Variants in SH3GL2 observed in about 807,000 individuals in gnomAD.
The protein encoded by SH3GL2 is SH3 domain containing GRB2 like 2, endophilin A1.
A neutral mutation model predicts 46.0 loss-of-function variants in SH3GL2; 24 were observed. The ratio of observed to expected loss-of-function variants is 0.52; its 90% CI spans 0.38 to 0.73. SH3GL2 has a LOEUF of 0.73. SH3GL2 is among the 30% of genes least tolerant of loss of function. The pLI, the probability that SH3GL2 is intolerant of heterozygous loss-of-function variation, is 0.00. For synonymous variants in SH3GL2, 196 were observed against 147.1 expected (o/e 1.33, Z -2.40); for missense variants, 413 against 424.2 (o/e 0.97, Z 0.23).
At chr9:17,705,695 C>T (rs942821621) in intron 1 of SH3GL2, among the ~76,000 whole-genome samples, 1 of 152,004 alleles carries the variant, frequency 6.6e-6, no homozygotes, top group African/African-American at 2.4e-5. Context: ...AGTGAACTAA[C>T]ACAGGAACAG....
intron 1 of SH3GL2, among the ~76,000 whole-genome samples, chr9:17,735,534 G>A (rs535177219): frequency 1.1e-3 from 172 of 152,058 alleles, no homozygotes; most frequent in Non-Finnish European, 2.2e-3. Context: ...TCAACCAAAC[G>A]TGGGTGGAAT....
intron 2 of SH3GL2, among the ~76,000 whole-genome samples, chr9:17,754,421 C>G (rs534619062): frequency 1.3e-5 from 2 of 152,246 alleles, no homozygotes; most frequent in South Asian, 4.2e-4. Context: ...CGCCTGTAAT[C>G]CCAGCACTTT....
At chr9:17,738,337 C>G (rs933923594) in intron 1 of SH3GL2, among the ~76,000 whole-genome samples, 5 of 151,702 alleles carry the variant, frequency 3.3e-5, no homozygotes, top group Admixed American at 2.6e-4. Context: ...TTGCATAGTA[C>G]TTTCTCTTTT....
chr9:17,617,528 G>A (rs746522873), intron 1 of SH3GL2, among the ~76,000 whole-genome samples: 4 of 152,176 alleles, frequency 2.6e-5, no homozygotes, highest in African/African-American at 9.7e-5. Context: ...ACGTGCTCAT[G>A]TGGTTTTAAG....
chr9:17,761,336 G>C, intron 2 of SH3GL2, 101 bp from the exon 3 acceptor site: 1 of 759,302 alleles, frequency 1.3e-6, no homozygotes, highest in East Asian at 2.5e-5. Context: ...CTTGTCCGGG[G>C]CTCTGTTGCA....
intron 1 of SH3GL2, among the ~76,000 whole-genome samples, chr9:17,736,140 C>G (rs114216706): frequency 7.4e-4 from 113 of 152,166 alleles, no homozygotes; most frequent in African/African-American, 2.5e-3. Flanking sequence ...GCTTAGCATT[C>G]AGGACATTCA....
intron 1 of SH3GL2, among the ~76,000 whole-genome samples, chr9:17,737,410 A>G (rs904171105): frequency 2.0e-5 from 3 of 152,124 alleles, no homozygotes; most frequent in African/African-American, 4.8e-5. Context: ...TGAGAAAAAA[A>G]TATGAGGATG....
intron 1 of SH3GL2, among the ~76,000 whole-genome samples, chr9:17,645,151 C>CTT (rs57611978): frequency 3.5e-4 from 24 of 68,776 alleles, no homozygotes; most frequent in African/African-American, 7.8e-4. Flanking sequence ...GCAAACGCTG[C>CTT]TTTTTTTTTT....
At chr9:17,706,841 C>T (rs1036144494) in intron 1 of SH3GL2, among the ~76,000 whole-genome samples, 4 of 152,034 alleles carry the variant, frequency 2.6e-5, no homozygotes, top group East Asian at 1.9e-4. Context: ...CCTCTTCTCA[C>T]GTAGGAGAGT....
At chr9:17,631,531 G>C (rs1209417782) in intron 1 of SH3GL2, among the ~76,000 whole-genome samples, 1 of 152,148 alleles carries the variant, frequency 6.6e-6, no homozygotes, top group Non-Finnish European at 1.5e-5. Context: ...CAATTTGTAG[G>C]TAAGTGGTTT....
rs191351450 is a variant in SH3GL2, at chr9:17,702,261, A to C, written c.46-44805A>C. On this transcript the variant is annotated intron_variant, in intron 1 of 8. Coordinates refer to ENST00000380607, the MANE Select transcript of SH3GL2 (RefSeq NM_003026.5). ...CAGGACCAGGAAAATTTTCCAGTGG[A>C]ATAAATAAAGATTTAAATGTTAATG... Among the ~76,000 whole-genome samples the C allele has an allele frequency of 1.2e-3, 182 of 152,238 alleles. 2 individuals are homozygous for C. Among genetic ancestry groups the C allele is most frequent in the African/African-American group, 4.1e-3 (172 of 41,550 alleles).
intron 1 of SH3GL2, chr9:17,589,936 G>C (rs1267773336): frequency 6.6e-6 from 1 of 152,138 alleles, no homozygotes; most frequent in African/African-American, 2.4e-5. Context: ...TCTGGTAGAC[G>C]GTGCCAGACA....
intron 1 of SH3GL2, among the ~76,000 whole-genome samples, chr9:17,654,931 A>G (rs1413078603): frequency 6.6e-6 from 1 of 152,184 alleles, no homozygotes; most frequent in Non-Finnish European, 1.5e-5. Flanking sequence ...CTCCTGGAGG[A>G]TGTGATGGGA....
chr9:17,597,873 C>G (rs576690200), intron 1 of SH3GL2, among the ~76,000 whole-genome samples: 31 of 152,290 alleles, frequency 2.0e-4, no homozygotes, highest in African/African-American at 7.0e-4. Flanking sequence ...ATGCTCTGGT[C>G]CTCCATCTTT....
At chr9:17,777,614 G>A (rs777250279) in intron 3 of SH3GL2, among the ~76,000 whole-genome samples, 1 of 151,476 alleles carries the variant, frequency 6.6e-6, no homozygotes, top group Non-Finnish European at 1.5e-5. Flanking sequence ...AATTTCTGAT[G>A]AGGGCTCTCT....
At position 17,738,641 on chromosome 9, in the gene SH3GL2, T is replaced by TATATAGAGAGAGAGAG. The variant is rs376280314; in HGVS notation, c.46-8424_46-8423insTATAGAGAGAGAGAGA. On this transcript the variant is annotated intron_variant, in intron 1 of 8. Transcript: ENST00000380607. ...TCATGTGATTTTATATATATATATATAGAGAGAGAGAGAGAGAGAGAGAGA... is the reference window on the plus strand; with the variant it reads ...TCATGTGATTTTATATATATATATATATATAGAGAGAGAGAGAGAGAGAGAGAGAGAGAGAGAGAGA... Among the ~76,000 whole-genome samples the TATATAGAGAGAGAGAG allele has an allele frequency of 2.4e-3, 214 of 88,866 alleles. 4 individuals are homozygous for TATATAGAGAGAGAGAG. The highest frequency in any genetic ancestry group is 7.5e-3 in the Middle Eastern group (1 of 134). 58.3% of individuals were successfully genotyped at this position (88,866 alleles called of 152,430 possible).
At chr9:17,634,162 C>T (rs73645108) in intron 1 of SH3GL2, among the ~76,000 whole-genome samples, 50 of 152,234 alleles carry the variant, frequency 3.3e-4, no homozygotes, top group African/African-American at 1.1e-3. Flanking sequence ...CTGGTACCCT[C>T]AGGTGGCTGT....
Position 17,761,477 on chromosome 9 carries a change from C to G in SH3GL2, c.155C>G (p.Thr52Ser), listed in dbSNP as rs1823172277. The G allele has an allele frequency of 6.2e-7, 1 of 1,606,900 alleles. No homozygotes were observed. The highest frequency in any genetic ancestry group is 8.5e-7 in the Non-Finnish European group (1 of 1,173,540). ...AGCAGGGCTGTGATGGAAATAATGACTAAAACAATTGAATACCTTCAACCC... is the reference window on the plus strand; with the variant it reads ...AGCAGGGCTGTGATGGAAATAATGAGTAAAACAATTGAATACCTTCAACCC... ...VTSRAVMEIM[T>S]KTIEYLQPNP... Residue 52 changes from threonine (T) to serine (S), a missense_variant, in exon 3 of 9, where the codon ACT becomes AGT. This residue lies in a region of SH3GL2 where 160 missense variants were observed against 192.3 expected (regional missense o/e 0.83). Transcript: ENST00000380607.
At chr9:17,582,679 T>A (rs1255744606) in intron 1 of SH3GL2, among the ~76,000 whole-genome samples, 2 of 152,236 alleles carry the variant, frequency 1.3e-5, no homozygotes, top group African/African-American at 4.8e-5. Flanking sequence ...TACTACAAAC[T>A]GAGTCGTTTC....
Sources: allele counts gnomAD v4.1 joint callset (sites outside exome capture counted in the v4.1 genomes callset), GRCh38; gene constraint gnomAD v4.1.1; regional missense constraint gnomAD v4.1.1; transcripts MANE v1.5; gene names NCBI Gene and HGNC (gene_info 2026-07-23, HGNC 2026-07-21).